ANKRD31: variants seen among roughly 807,000 people sequenced by gnomAD.
ANKRD31 encodes the protein ankyrin repeat domain-containing protein 31.
A neutral mutation model predicts 186.0 loss-of-function variants in ANKRD31; 147 were observed. That is an observed-to-expected ratio of 0.79 (90% CI 0.69 to 0.91). ANKRD31 has a LOEUF of 0.91. Ranked by LOEUF, ANKRD31 falls within the 40% of genes least tolerant of loss-of-function variation. The pLI, the probability that ANKRD31 is intolerant of heterozygous loss-of-function variation, is 0.00. For missense variants in ANKRD31, 1,986 were observed against 2,148.8 expected, an observed-to-expected ratio of 0.92 and a Z score of 1.50; for synonymous variants, 673 against 736.4, an observed-to-expected ratio of 0.91 and a Z score of 1.39.
chr5:75,224,047 T>C (rs1024071580), intron 2 of ANKRD31, among the ~76,000 whole-genome samples: 1 of 150,708 alleles, frequency 6.6e-6, no homozygotes, highest in African/African-American at 2.4e-5. Context: ...ATCCAGTCTA[T>C]AGTTTTGTTA....
chr5:75,180,816 G>C (rs1467260884), intron 10 of ANKRD31, among the ~76,000 whole-genome samples: 1 of 152,098 alleles, frequency 6.6e-6, no homozygotes, highest in East Asian at 1.9e-4. Context: ...TCAGGACATA[G>C]GCATGGGCAA....
intron 10 of ANKRD31, among the ~76,000 whole-genome samples, chr5:75,174,420 TA>T (rs1336641588): frequency 6.6e-6 from 1 of 152,088 alleles, no homozygotes; most frequent in East Asian, 1.9e-4. Context: ...GAAAAGAAAC[TA>T]CCATCAGAGT....
chr5:75,181,942 A>G (rs1452497233), intron 10 of ANKRD31, among the ~76,000 whole-genome samples: 2 of 151,960 alleles, frequency 1.3e-5, no homozygotes, highest in African/African-American at 4.8e-5. Context: ...AAAAAAAATA[A>G]AAAATAAAAA....
At chr5:75,110,266 C>T (rs1431844467) in intron 20 of ANKRD31, among the ~76,000 whole-genome samples, 3 of 152,146 alleles carry the variant, frequency 2.0e-5, no homozygotes, top group African/African-American at 7.2e-5. Flanking sequence ...AAAACTAACA[C>T]ACATTGCAAA....
chr5:75,155,969 T>G (rs1265946575), intron 11 of ANKRD31, among the ~76,000 whole-genome samples: 1 of 151,934 alleles, frequency 6.6e-6, no homozygotes, highest in Non-Finnish European at 1.5e-5. Context: ...TGCAGTGGCA[T>G]GATCTTAGCT....
intron 19 of ANKRD31, among the ~76,000 whole-genome samples, chr5:75,116,201 T>G (rs1216580585): frequency 1.5e-5 from 2 of 136,782 alleles, no homozygotes; most frequent in Non-Finnish European, 3.1e-5. Flanking sequence ...TAGGTGGGAA[T>G]TGAACAATGA....
intron 5 of ANKRD31, among the ~76,000 whole-genome samples, chr5:75,201,126 A>C (rs548959519): frequency 6.6e-6 from 1 of 152,280 alleles, no homozygotes; most frequent in South Asian, 2.1e-4. Context: ...GGGGAAAAAG[A>C]AGCATAAATA....
At chr5:75,193,287 T>TA in intron 8 of ANKRD31, 24 bp downstream of exon 8, 1 of 1,531,698 alleles carries the variant, frequency 6.5e-7, no homozygotes, top group African/African-American at 1.4e-5. Context: ...TACCTGGAGA[T>TA]AAAGACATAA....
At chr5:75,190,415 C>T (rs1755026744) in intron 9 of ANKRD31, among the ~76,000 whole-genome samples, 1 of 152,016 alleles carries the variant, frequency 6.6e-6, no homozygotes, top group Non-Finnish European at 1.5e-5. Flanking sequence ...TTAATGATGA[C>T]CTCATTAAAA....
intron 17 of ANKRD31, among the ~76,000 whole-genome samples, chr5:75,135,264 A>C (rs960382816): frequency 7.2e-5 from 11 of 152,202 alleles, no homozygotes; most frequent in African/African-American, 2.7e-4. Flanking sequence ...ATATTTAGGA[A>C]ACCCATCGTC....
At chr5:75,139,122 T>G in intron 15 of ANKRD31, 139 bp from the exon 16 acceptor site, 2 of 990,404 alleles carry the variant, frequency 2.0e-6, no homozygotes, top group South Asian at 3.8e-5. Context: ...ATTGCTGTTA[T>G]TGTTTTAATA....
At chr5:75,178,044 C>T (rs146244326) in intron 10 of ANKRD31, among the ~76,000 whole-genome samples, 2,320 of 152,066 alleles carry the variant, frequency 0.015, 60 homozygotes, top group African/African-American at 0.053. Flanking sequence ...GGAAGATCTA[C>T]CAAGCAAATG....
chr5:75,168,655 C>T (rs924202944), intron 11 of ANKRD31, among the ~76,000 whole-genome samples: 11 of 151,918 alleles, frequency 7.2e-5, no homozygotes, highest in South Asian at 2.1e-4. Flanking sequence ...GACATAACTG[C>T]GTAACACTCT....
intron 1 of ANKRD31, among the ~76,000 whole-genome samples, chr5:75,233,116 G>A (rs577819587): frequency 1.3e-5 from 2 of 150,782 alleles, no homozygotes; most frequent in South Asian, 4.2e-4. Context: ...AGGCTGGAGT[G>A]CAGTGATATA....
intron 22 of ANKRD31, among the ~76,000 whole-genome samples, chr5:75,095,473 C>CA (rs61017772): frequency 0.3 from 43,153 of 144,554 alleles, 7,794 homozygotes; most frequent in African/African-American, 0.51. Flanking sequence ...GACTCCGTCT[C>CA]AAAAAAAAAA....
chr5:75,124,326 G>T (rs1749031714), intron 17 of ANKRD31, among the ~76,000 whole-genome samples: 1 of 152,184 alleles, frequency 6.6e-6, no homozygotes, highest in Non-Finnish European at 1.5e-5. Context: ...CTTATACACT[G>T]TTGGTGGGAA....
chr5:75,216,297 C>T (rs573006898), intron 3 of ANKRD31, among the ~76,000 whole-genome samples: 241 of 152,244 alleles, frequency 1.6e-3, no homozygotes, highest in Non-Finnish European at 2.5e-3. Context: ...TGAACATTCC[C>T]AGGTTCCACC....
At chr5:75,163,721 A>G (rs1752728867) in intron 11 of ANKRD31, among the ~76,000 whole-genome samples, 1 of 152,194 alleles carries the variant, frequency 6.6e-6, no homozygotes, top group Non-Finnish European at 1.5e-5. Flanking sequence ...AGCTGATTCT[A>G]GAGGGAGGAA....
chr5:75,101,195 G>A (rs961485655), intron 22 of ANKRD31, among the ~76,000 whole-genome samples: 10 of 152,084 alleles, frequency 6.6e-5, no homozygotes, highest in African/African-American at 1.2e-4. Context: ...GCTTAGTTTC[G>A]CTGGATATGA....
Sources: gnomAD v4.1 joint callset for allele counts (sites outside exome capture counted in the v4.1 genomes callset) on GRCh38, gnomAD v4.1.1 for gene constraint, MANE v1.5 for transcripts, NCBI Gene and HGNC (gene_info 2026-07-23, HGNC 2026-07-21) for gene names.